BNC2: variants seen among roughly 807,000 people sequenced by gnomAD.
The protein encoded by BNC2 is basonuclin zinc finger protein 2.
BNC2 carries 20 observed loss-of-function variants against 76.3 expected under a neutral mutation model. The observed-to-expected ratio is 0.26, with a 90% confidence interval of 0.18 to 0.38. BNC2 has a LOEUF of 0.38. Ranked by LOEUF, BNC2 falls within the 10% of genes least tolerant of loss-of-function variation. BNC2 has a pLI of 1.00. For synonymous variants in BNC2, 582 were observed against 514.8 expected, an observed-to-expected ratio of 1.13 and a Z score of -1.77; for missense variants, 1,382 against 1,399.8, an observed-to-expected ratio of 0.99 and a Z score of 0.20.
intron 1 of BNC2, among the ~76,000 whole-genome samples, chr9:16,805,790 C>G (rs1463857067): frequency 6.6e-6 from 1 of 151,918 alleles, no homozygotes; most frequent in Non-Finnish European, 1.5e-5. Context: ...GCAAAAAAAC[C>G]TAATGGCTTA....
At chr9:16,464,877 G>C (rs983875751) in intron 5 of BNC2, among the ~76,000 whole-genome samples, 1 of 152,192 alleles carries the variant, frequency 6.6e-6, no homozygotes, top group Non-Finnish European at 1.5e-5. Context: ...CAAGATGGGT[G>C]ATGTCTGTGA....
chr9:16,482,796 C>G (rs1049625543), intron 5 of BNC2, among the ~76,000 whole-genome samples: 4 of 152,172 alleles, frequency 2.6e-5, no homozygotes, highest in Non-Finnish European at 5.9e-5. Context: ...CCAGGACTCT[C>G]TGGACCAGAC....
At chr9:16,587,309 G>A (rs1291599021) in intron 3 of BNC2, among the ~76,000 whole-genome samples, 1 of 151,546 alleles carries the variant, frequency 6.6e-6, no homozygotes, top group South Asian at 2.1e-4. Context: ...AACCTTTCAG[G>A]TTCAAGCAAT....
At chr9:16,440,785 G>C (rs1821110761) in intron 5 of BNC2, among the ~76,000 whole-genome samples, 1 of 152,168 alleles carries the variant, frequency 6.6e-6, no homozygotes, top group African/African-American at 2.4e-5. Flanking sequence ...CTGCTAAAAT[G>C]GAGTCTGTTA....
At chr9:16,755,298 G>C (rs753373544) in intron 1 of BNC2, among the ~76,000 whole-genome samples, 1 of 152,138 alleles carries the variant, frequency 6.6e-6, no homozygotes, top group Non-Finnish European at 1.5e-5. Context: ...GGGGACTGAA[G>C]AGAATGCATA....
rs184721242 is a variant in BNC2 at position 16,418,660 on chromosome 9, C to T, written c.*329G>A. On this transcript the variant is annotated 3_prime_UTR_variant, in exon 7 of 7. Coordinates refer to ENST00000380672, the MANE Select transcript of BNC2 (RefSeq NM_017637.6). ...ATTCTGTCAAAACTGGGGCTAGTTG[C>T]ACACTGTGTGTGTGTGTGTGTGTGT... is the stretch of plus-strand genomic sequence containing the variant. 7.7e-4 allele frequency: 169 copies of T among 220,492 alleles called. 6 individuals carry two copies. In the East Asian group the frequency reaches 0.019, roughly 25 times the overall value. 13.7% of individuals were successfully genotyped at this position (220,492 alleles called of 1,614,324 possible). A position where few individuals can be genotyped will look rare whatever the true frequency, so the allele number is the denominator to read the frequency against.
chr9:16,821,127 G>T (rs1818319174), intron 1 of BNC2, among the ~76,000 whole-genome samples: 1 of 151,916 alleles, frequency 6.6e-6, no homozygotes, highest in Admixed American at 6.6e-5. Context: ...CAGCTACTCG[G>T]GAGGCTGAGG....
intron 3 of BNC2, among the ~76,000 whole-genome samples, chr9:16,679,912 G>A (rs1051035232): frequency 1.3e-5 from 2 of 152,214 alleles, no homozygotes; most frequent in African/African-American, 2.4e-5. Flanking sequence ...CTACCATGGC[G>A]TCAGTCCTCA....
chr9:16,760,468 G>T (rs1427156167), intron 1 of BNC2, among the ~76,000 whole-genome samples: 1 of 152,174 alleles, frequency 6.6e-6, no homozygotes, highest in Non-Finnish European at 1.5e-5. Context: ...GCCTGGCTGG[G>T]AGGAGGTTGG....
intron 5 of BNC2, among the ~76,000 whole-genome samples, chr9:16,449,647 T>G (rs919630427): frequency 6.6e-6 from 1 of 152,206 alleles, no homozygotes; most frequent in Non-Finnish European, 1.5e-5. Context: ...ACTTAAATAC[T>G]ACTTCTGAAA....
At chr9:16,866,122 G>T (rs969623567) in intron 1 of BNC2, among the ~76,000 whole-genome samples, 7 of 152,018 alleles carry the variant, frequency 4.6e-5, no homozygotes, top group Admixed American at 1.3e-4. Context: ...ATATTAAAGT[G>T]CAATTATGAT....
chr9:16,808,931 C>T (rs1817978345), intron 1 of BNC2, among the ~76,000 whole-genome samples: 1 of 152,014 alleles, frequency 6.6e-6, no homozygotes, highest in Non-Finnish European at 1.5e-5. Context: ...TACTAATGTA[C>T]TTGGCTGTCC....
At chr9:16,809,861 A>T (rs1202510988) in intron 1 of BNC2, among the ~76,000 whole-genome samples, 2 of 152,180 alleles carry the variant, frequency 1.3e-5, no homozygotes, top group African/African-American at 4.8e-5. Flanking sequence ...CTATATGATA[A>T]AGGAATAAAA....
Position 16,550,707 on chromosome 9 carries a change from A to T in BNC2, c.669+1823T>A, listed in dbSNP as rs76081094. 8.9e-3 allele frequency among the ~76,000 whole-genome samples: 1,359 copies of T among 152,332 alleles called. 26 individuals carry two copies. Among genetic ancestry groups the T allele is most frequent in the South Asian group, 0.04 (193 of 4,828 alleles). ...TGTAAGTATCTTAGGCAACACATAC[A>T]CATGAAACTGAAATACAATATTAAT... On this transcript the variant is annotated intron_variant, in intron 5 of 6. Transcript: ENST00000380672.
At chr9:16,678,378 C>T (rs1234300165) in intron 3 of BNC2, among the ~76,000 whole-genome samples, 38 of 139,432 alleles carry the variant, frequency 2.7e-4, no homozygotes, top group South Asian at 2.4e-4. Context: ...TCCCAATTCT[C>T]GTGCCTCAGC....
intron 1 of BNC2, among the ~76,000 whole-genome samples, chr9:16,811,246 C>CAAAAAAAAAAAA (rs1818044013): frequency 1.2e-5 from 1 of 81,218 alleles, no homozygotes; most frequent in Non-Finnish European, 3.2e-5. Context: ...AAAAAAAAAC[C>CAAAAAAAAAAAA]AAAAAAACCA....
intron 5 of BNC2, among the ~76,000 whole-genome samples, chr9:16,529,102 T>C (rs1276889212): frequency 6.6e-6 from 1 of 152,178 alleles, no homozygotes; most frequent in Non-Finnish European, 1.5e-5. Context: ...TCTCCTAATA[T>C]CTTACACGGA....
intron 1 of BNC2, among the ~76,000 whole-genome samples, chr9:16,781,023 G>C (rs547376308): frequency 6.6e-6 from 1 of 151,836 alleles, no homozygotes; most frequent in Non-Finnish European, 1.5e-5. Context: ...AAAAAAGAGA[G>C]AGAGAAGCTA....
At chr9:16,454,801 G>A (rs144763009) in intron 5 of BNC2, among the ~76,000 whole-genome samples, 221 of 152,224 alleles carry the variant, frequency 1.5e-3, no homozygotes, top group African/African-American at 4.3e-3. Flanking sequence ...ATATCCAGAA[G>A]TTTTACATAA....
Sources: allele counts gnomAD v4.1 joint callset (sites outside exome capture counted in the v4.1 genomes callset), GRCh38; gene constraint gnomAD v4.1.1; transcripts MANE v1.5; gene names NCBI Gene and HGNC (gene_info 2026-07-23, HGNC 2026-07-21).